The following GPD2 variants were observed in gnomAD, a reference collection of about 807,000 sequenced individuals.
GPD2 encodes the protein glycerol-3-phosphate dehydrogenase, mitochondrial.
A neutral mutation model predicts 82.4 loss-of-function variants in GPD2; 54 were observed. The ratio of observed to expected loss-of-function variants is 0.66; its 90% CI spans 0.53 to 0.82. The LOEUF (loss-of-function observed/expected upper bound fraction) is 0.82, where lower values mean the gene tolerates loss of function less well. GPD2 is among the 40% of genes least tolerant of loss of function. The pLI, the probability that GPD2 is intolerant of heterozygous loss-of-function variation, is 0.00. For missense variants in GPD2, 748 were observed against 896.2 expected, an observed-to-expected ratio of 0.83 and a Z score of 2.11; for synonymous variants, 288 against 306.1, an observed-to-expected ratio of 0.94 and a Z score of 0.62.
chr2:156,546,340 G>A (rs1686533818), intron 6 of GPD2, among the ~76,000 whole-genome samples: 1 of 152,178 alleles, frequency 6.6e-6, no homozygotes, highest in Admixed American at 6.5e-5. Flanking sequence ...CCAATGGCAT[G>A]CAGTGTTGTC....
chr2:156,434,506 G>A (rs142010951), upstream of GPD2, among the ~76,000 whole-genome samples: 364 of 152,196 alleles, frequency 2.4e-3, no homozygotes, highest in African/African-American at 7.2e-3. Context: ...ATTGTTCTTC[G>A]TATCACAAAT....
chr2:156,475,470 A>G (rs930321901), intron 1 of GPD2, among the ~76,000 whole-genome samples: 1 of 152,094 alleles, frequency 6.6e-6, no homozygotes, highest in Admixed American at 6.5e-5. Context: ...CTGGGATCAC[A>G]GGCATCCACC....
intron 6 of GPD2, among the ~76,000 whole-genome samples, chr2:156,522,673 G>GT (rs1177846723): frequency 8.0e-6 from 1 of 125,594 alleles, no homozygotes; most frequent in Non-Finnish European, 1.7e-5. Context: ...GCAGAGTGTG[G>GT]TTTTTTAAGC....
At chr2:156,412,437 T>A in the GPD2 span, among the ~76,000 whole-genome samples, 6 of 143,146 alleles carry the variant, frequency 4.2e-5, no homozygotes, top group African/African-American at 5.2e-5. Flanking sequence ...ACTTCGTCTG[T>A]AAAAAAAAAA....
the GPD2 span, among the ~76,000 whole-genome samples, chr2:156,424,999 GA>G: frequency 4.6e-5 from 7 of 150,816 alleles, no homozygotes; most frequent in Non-Finnish European, 8.9e-5. Context: ...TTAACACACT[GA>G]AAAAAAACTG....
chr2:156,551,449 C>T (rs1686756061), intron 8 of GPD2, among the ~76,000 whole-genome samples: 1 of 152,056 alleles, frequency 6.6e-6, no homozygotes, highest in Non-Finnish European at 1.5e-5. Context: ...CCATAACGTA[C>T]ATTTTAAGGT....
chr2:156,451,414 G>A (rs1406193476), intron 1 of GPD2, among the ~76,000 whole-genome samples: 2 of 138,748 alleles, frequency 1.4e-5, no homozygotes, highest in African/African-American at 2.7e-5. Context: ...CTGGCAGGGC[G>A]GGGGGCTGAC....
At chr2:156,406,803 A>G in the GPD2 span, among the ~76,000 whole-genome samples, 1 of 152,242 alleles carries the variant, frequency 6.6e-6, no homozygotes, top group Middle Eastern at 3.4e-3. Flanking sequence ...CCCTTCCTAA[A>G]GCTCTTTCTT....
the GPD2 span, among the ~76,000 whole-genome samples, chr2:156,404,963 T>A: frequency 6.6e-6 from 1 of 152,084 alleles, no homozygotes; most frequent in African/African-American, 2.4e-5. Flanking sequence ...ATTCCCAGCT[T>A]GTTGGAATAA....
chr2:156,438,645 T>G (rs1242697335), intron 1 of GPD2, among the ~76,000 whole-genome samples: 1 of 152,234 alleles, frequency 6.6e-6, no homozygotes, highest in East Asian at 1.9e-4. Context: ...TGATTCTTTC[T>G]GTTTGTCAAC....
At chr2:156,430,254 G>T in the GPD2 span, among the ~76,000 whole-genome samples, 1 of 151,900 alleles carries the variant, frequency 6.6e-6, no homozygotes, top group East Asian at 1.9e-4. Flanking sequence ...CTCAATCCCA[G>T]TTTGGCCATC....
chr2:156,482,566 G>A (rs1683770834), intron 2 of GPD2, among the ~76,000 whole-genome samples: 1 of 151,978 alleles, frequency 6.6e-6, no homozygotes, highest in African/African-American at 2.4e-5. Context: ...AACTTTTTTT[G>A]GGGGGGATAA....
intron 2 of GPD2, among the ~76,000 whole-genome samples, chr2:156,494,668 T>C (rs879725755): frequency 6.6e-6 from 1 of 152,240 alleles, no homozygotes; most frequent in Non-Finnish European, 1.5e-5. Flanking sequence ...GCACATGCTT[T>C]GGCCTGTTGG....
At chr2:156,442,897 C>T (rs374273068) in intron 1 of GPD2, among the ~76,000 whole-genome samples, 7 of 152,306 alleles carry the variant, frequency 4.6e-5, no homozygotes, top group South Asian at 4.1e-4. Context: ...TCTCTCTGCT[C>T]CATGCTTCCA....
chr2:156,457,674 C>G (rs75426066), intron 1 of GPD2, among the ~76,000 whole-genome samples: 2,095 of 152,294 alleles, frequency 0.014, 60 homozygotes, highest in African/African-American at 0.049. Flanking sequence ...TTGTTCAGAA[C>G]AAAGTGCTGG....
intron 3 of GPD2, among the ~76,000 whole-genome samples, chr2:156,509,499 T>G (rs1473075965): frequency 6.6e-6 from 1 of 152,078 alleles, no homozygotes; most frequent in Admixed American, 6.5e-5. Context: ...CCTCCAAGAG[T>G]GTTCCAGGCC....
chr2:156,400,754 A>G, the GPD2 span, among the ~76,000 whole-genome samples: 5 of 152,348 alleles, frequency 3.3e-5, no homozygotes, highest in East Asian at 1.9e-4. Flanking sequence ...GACACCAGAA[A>G]TATGCTTTCG....
chr2:156,540,351 T>A (rs560654355), intron 6 of GPD2, among the ~76,000 whole-genome samples: 2 of 152,264 alleles, frequency 1.3e-5, no homozygotes, highest in South Asian at 4.1e-4. Context: ...GTTGAGAGCG[T>A]CGGACTGGCA....
intron 4 of GPD2, among the ~76,000 whole-genome samples, chr2:156,511,955 A>G (rs1685013159): frequency 1.3e-5 from 2 of 152,170 alleles, no homozygotes; most frequent in African/African-American, 2.4e-5. Flanking sequence ...GGCTACAATA[A>G]TCTTGTAACT....
Sources: allele counts gnomAD v4.1 joint callset (sites outside exome capture counted in the v4.1 genomes callset), GRCh38; gene constraint gnomAD v4.1.1; transcripts MANE v1.5; gene names NCBI Gene and HGNC (gene_info 2026-07-23, HGNC 2026-07-21).